Variants in JAG2 observed in about 807,000 individuals in gnomAD.
JAG2 encodes the protein protein jagged-2.
Under a neutral mutation model 141.7 loss-of-function variants are expected in JAG2, and 46 were observed. The ratio of observed to expected loss-of-function variants is 0.32; its 90% CI spans 0.26 to 0.42. JAG2 has a LOEUF of 0.42. Among genes scored for constraint, JAG2 ranks in the 10% least tolerant of loss-of-function variants. JAG2 has a pLI of 1.00. For missense variants in JAG2, 1,500 were observed against 1,817.5 expected (o/e 0.83, Z 3.18); for synonymous variants, 862 against 763.5 (o/e 1.13, Z -2.13).
At position 105,167,383 on chromosome 14, in the gene JAG2, G is replaced by T. The variant is rs868484200; in HGVS notation, c.417+374C>A. On this transcript the variant is annotated intron_variant, in intron 2 of 25. Transcript: ENST00000331782. This position sits in a 1 kb window ranked among gnomAD's most constrained non-coding sequence, Gnocchi z 4.8. ...GGCGGCTCAGTCAGGGCCTGCCCTA[G>T]ACCAGCCCCAGCACGCGCTGCGCAC... 3.8e-4 allele frequency among the ~76,000 whole-genome samples: 58 copies of T among 152,110 alleles called. No homozygotes were observed. Among genetic ancestry groups the T allele is most frequent in the Middle Eastern group, 3.4e-3 (1 of 290 alleles).
Position 105,141,399 on chromosome 14 carries a change from C to T in JAG2, c.*1296G>A, listed in dbSNP as rs587716896. 1 of 152,220 alleles carries T rather than the reference C, an allele frequency of 6.6e-6. No homozygotes were observed. The highest frequency in any genetic ancestry group is 6.5e-5 in the Admixed American group (1 of 15,284). The allele number at this position is 152,220 out of a possible 1,614,324, so 9.4% of individuals were successfully genotyped here. A position where few individuals can be genotyped will look rare whatever the true frequency, so the allele number is the denominator to read the frequency against. On this transcript the variant is annotated 3_prime_UTR_variant, in exon 26 of 26. Transcript: ENST00000331782. The stretch of plus-strand genomic sequence containing the variant: ...TTTTGACCTGTTAATTCCTTAAGAC[C>T]TTGATACGTATTCGTGGGTAAGCAA...
intron 13 of JAG2, 30 bp from the exon 14 acceptor site, chr14:105,149,119 G>T: frequency 1.3e-6 from 2 of 1,586,144 alleles, no homozygotes; most frequent in Non-Finnish European, 1.7e-6. Flanking sequence ...CAGGAGTCAG[G>T]CCCGCCCCTG....
In JAG2 at chr14:105,150,740, C is replaced by A; in HGVS notation, c.1466G>T (p.Gly489Val). The change falls in exon 12 of 26, where the codon GGC (glycine) becomes GTC (valine). Residue 489 changes from glycine to valine, a missense_variant. By Grantham distance (109) the Gly-to-Val change is moderately radical. This residue lies in a region of JAG2 where 875 missense variants were observed against 1,202.2 expected (regional missense o/e 0.73). Coordinates refer to ENST00000331782, the MANE Select transcript of JAG2 (RefSeq NM_002226.5). Reference protein sequence around the residue: ...VNGYQCVCPRGFGGRHCELER... With the variant: ...VNGYQCVCPRVFGGRHCELER... ...CAGCTCGCAATGCCGGCCTCCGAAG[C>A]CCCGTGGGCACACACACTGGTACCC... The A allele has an allele frequency of 6.3e-7, 1 of 1,582,994 alleles. No individual in the cohort carries two copies. The highest frequency in any genetic ancestry group is 2.3e-5 in the East Asian group (1 of 43,416).
At chr14:105,147,272 G>T in intron 20 of JAG2, 54 bp downstream of exon 20, 1 of 1,403,158 alleles carries the variant, frequency 7.1e-7, no homozygotes, top group Non-Finnish European at 9.9e-7. Context: ...CCAGACTCCT[G>T]ACACCGCGGC....
Position 105,155,796 on chromosome 14 carries a change from G to T in JAG2, c.669C>A (p.Cys223Ter). 6.2e-7 allele frequency: 1 copy of T among 1,612,952 alleles called. No homozygotes were observed. Among genetic ancestry groups the T allele is most frequent in the Non-Finnish European group, 8.5e-7 (1 of 1,179,934 alleles). ...TGCAGGCCTTGTTGCCGTACTGGTC[G>T]CAGGTGTAGTGGCCGAAAAAGTCGT... ...PRNDFFGHYT[C>*]DQYGNKACMD... The change falls in exon 4 of 26, where the codon TGC (cysteine) becomes TGA (stop). Residue 223 changes from cysteine to a stop codon, truncating the protein, a stop_gained. Transcript: ENST00000331782. LOFTEE classifies it high-confidence loss of function.
chr14:105,143,599 T>G lies in JAG2; in HGVS notation c.3124A>C (p.Ile1042Leu). The G allele has an allele frequency of 2.5e-6, 4 of 1,608,388 alleles. No homozygotes were observed. Among genetic ancestry groups the G allele is most frequent in the Non-Finnish European group, 3.4e-6 (4 of 1,179,550 alleles). ...PARDLPDSSL[I>L]QGAAHAIVAA... Reference sequence around the variant, plus strand: ...ACGATGGCGTGGGCCGCGCCCTGGATCAGGCTGCTGTCAGGCAGGTCCCTG... The same window carrying G: ...ACGATGGCGTGGGCCGCGCCCTGGAGCAGGCTGCTGTCAGGCAGGTCCCTG... Residue 1042 changes from isoleucine (I) to leucine (L), a missense_variant, in exon 25 of 26, where the codon ATC becomes CTC. By Grantham distance (5) the Ile-to-Leu change is conservative. Transcript: ENST00000331782.
At chr14:105,146,361 G>C (rs1373863994) in intron 22 of JAG2, 24 bp downstream of exon 22, 1 of 1,592,750 alleles carries the variant, frequency 6.3e-7, no homozygotes, top group South Asian at 1.1e-5. Flanking sequence ...GGGTAGGGCA[G>C]GGCGGCTCAC....
Position 105,168,103 on chromosome 14 carries a change from G to A in JAG2, c.71C>T (p.Ala24Val), listed in dbSNP as rs773382574. The part of the protein sequence containing the change: ...LLLLALWVQA[A>V]RPMGYFELQL... ...CAGCTCGAAATAGCCCATGGGCCGC[G>A]CCGCCTAAAAATAAGGCAGCGGGAG... The change falls in exon 2 of 26, where the codon GCG (alanine) becomes GTG (valine). Residue 24 changes from alanine to valine, a missense_variant. Physicochemically the swap from Ala to Val is moderately conservative, Grantham distance 64 (BLOSUM62 0). Coordinates refer to ENST00000331782, the MANE Select transcript of JAG2 (RefSeq NM_002226.5). 4.8e-5 allele frequency: 75 copies of A among 1,551,490 alleles called. No individual in the cohort carries two copies. Among genetic ancestry groups the A allele is most frequent in the Admixed American group, 9.1e-5 (5 of 54,916 alleles).
In JAG2 at chr14:105,142,720, T is replaced by C. The variant is rs146843591; in HGVS notation, c.3692A>G (p.Glu1231Gly). ...VDNRAVRSIN[E>G]ARYAGKE ...CTACTCCTTGCCGGCGTAGCGGGCC[T>C]CATTGATGCTCCTGACCGCGCGGTT... The change falls in exon 26 of 26, where the codon GAG becomes GGG. Residue 1231 changes from glutamate (E) to glycine (G), a missense_variant. By Grantham distance (98) the Glu-to-Gly change is moderately conservative (BLOSUM62 -2). This residue lies in a region of JAG2 where 425 missense variants were observed against 441.0 expected (regional missense o/e 0.96). Coordinates refer to ENST00000331782, the MANE Select transcript of JAG2 (RefSeq NM_002226.5). 1.2e-6 allele frequency: 2 copies of C among 1,606,392 alleles called. No homozygotes were observed. Among genetic ancestry groups the C allele is most frequent in the Non-Finnish European group, 1.7e-6 (2 of 1,177,166 alleles).
intron 2 of JAG2, among the ~76,000 whole-genome samples, chr14:105,165,265 C>G (rs1888874402): frequency 6.6e-6 from 1 of 152,224 alleles, no homozygotes. Flanking sequence ...CAGAGCAAAG[C>G]TCCCTGCTGC....
chr14:105,167,839 C>A lies in JAG2; in HGVS notation c.335G>T (p.Gly112Val). Residue 112 changes from glycine (G) to valine (V), a missense_variant, in exon 2 of 26, where the codon GGG becomes GTG. Physicochemically the swap from Gly to Val is moderately radical, Grantham distance 109 (BLOSUM62 -3). Transcript: ENST00000331782. The surrounding 1 kb of genome is among the most constrained non-coding windows in gnomAD (Gnocchi z 4.8). ...SFYLPPAGAA[G>V]DRARARARAG... ...CCGGGCCCGCGCCCGCGCTCGGTCC[C>A]CCGCAGCGCCCGCCGGCGGCAGGTA... 1 of 1,502,746 alleles carries A rather than the reference C, an allele frequency of 6.7e-7. No homozygotes were observed. The allele number at this position is 1,502,746 out of a possible 1,614,324, so 93.1% of individuals were successfully genotyped here.
rs10139201 is a variant in JAG2 at position 105,143,778 on chromosome 14, T to G, written c.3085-140A>C. On this transcript the variant is annotated intron_variant, in intron 24 of 25. Transcript: ENST00000331782. ...GAGCCCGGGGTCCTGCAGTGGCGAC[T>G]TCACCACCAGGCAGTGAGTGGGGAG... 29 of 914,870 alleles carry G rather than the reference T, an allele frequency of 3.2e-5. No individual in the cohort carries two copies. In the South Asian group the frequency reaches 3.9e-4, roughly 12 times the overall value. 56.7% of individuals were successfully genotyped at this position (914,870 alleles called of 1,614,324 possible).
chr14:105,145,534 G>T (rs1204274139), intron 23 of JAG2, among the ~76,000 whole-genome samples, 197 bp downstream of exon 23: 1 of 152,216 alleles, frequency 6.6e-6, no homozygotes, highest in Non-Finnish European at 1.5e-5. Context: ...TGCTCTCCCA[G>T]CCTCCTCTGC....
At position 105,167,626 on chromosome 14, in the gene JAG2, G is replaced by A; in HGVS notation, c.417+131C>T. 2 of 1,085,658 alleles carry A rather than the reference G, an allele frequency of 1.8e-6. No homozygotes were observed. Among genetic ancestry groups the A allele is most frequent in the Non-Finnish European group, 2.3e-6 (2 of 874,504 alleles). 67.3% of individuals were successfully genotyped at this position (1,085,658 alleles called of 1,614,324 possible). ...TCCCCAGAGCACGCGCCCCCTGCCG[G>A]CCCCGCCCCGCCTGGGCGCGCGCGG... is the stretch of plus-strand genomic sequence containing the variant. On this transcript the variant is annotated intron_variant, in intron 2 of 25. Transcript: ENST00000331782. The surrounding 1 kb of genome is among the most constrained non-coding windows in gnomAD (Gnocchi z 4.8).
rs1243186714 is a variant in JAG2 at position 105,145,024 on chromosome 14, G to A, written c.2990C>T (p.Ser997Phe). The stretch of plus-strand genomic sequence containing the variant: ...TGCCACAGCCCTTGTGGCTGGCAGG[G>A]AGCGGATCCCGGAGCAAATGGCGCC... Reference protein sequence around the residue: ...TVGAICSGIRSLPATRAVARD... With the variant: ...TVGAICSGIRFLPATRAVARD... The change falls in exon 24 of 26, where the codon TCC becomes TTC. Residue 997 changes from serine to phenylalanine, a missense_variant. By Grantham distance (155) the Ser-to-Phe change is radical. Around this residue, in one of 3 missense-constraint regions of JAG2, gnomAD observed 425 missense variants for 441.0 expected, o/e 0.96. Coordinates refer to ENST00000331782, the MANE Select transcript of JAG2 (RefSeq NM_002226.5). 1 of 1,610,128 alleles carries A rather than the reference G, an allele frequency of 6.2e-7. No individual in the cohort carries two copies. Among genetic ancestry groups the A allele is most frequent in the South Asian group, 1.1e-5 (1 of 91,052 alleles).
At chr14:105,162,199 C>T (rs978244988) in intron 2 of JAG2, among the ~76,000 whole-genome samples, 103 of 152,056 alleles carry the variant, frequency 6.8e-4, no homozygotes, top group Non-Finnish European at 1.1e-3. Context: ...GGGCTATGCC[C>T]CTGCCCAGTC....
intron 25 of JAG2, 147 bp from the exon 26 acceptor site, chr14:105,143,317 G>C (rs1055760552): frequency 5.4e-6 from 7 of 1,299,132 alleles, no homozygotes; most frequent in African/African-American, 1.5e-5. Flanking sequence ...GTCCCAGGAC[G>C]GGGGCTGGGA....
At position 105,168,362 on chromosome 14, in the gene JAG2, C is replaced by A. The variant is rs991511891; in HGVS notation, c.59G>T (p.Trp20Leu). The stretch of plus-strand genomic sequence containing the variant: ...CCCCGCCGCCCCGCTCACCTGCACC[C>A]AGAGCGCCAGCAGCAGCAGCAGCCG... ...PRRLLLLLAL[W>L]VQAARPMGYF... Residue 20 changes from tryptophan (W) to leucine (L), a missense_variant, in exon 1 of 26, where the codon TGG becomes TTG. By Grantham distance (61) the Trp-to-Leu change is moderately conservative. This residue lies in a region of JAG2 where 200 missense variants were observed against 174.3 expected (regional missense o/e 1.15). Coordinates refer to ENST00000331782, the MANE Select transcript of JAG2 (RefSeq NM_002226.5). 5 of 1,017,094 alleles carry A rather than the reference C, an allele frequency of 4.9e-6. No individual in the cohort carries two copies. The African/African-American group carries it at 8.8e-5, about 18-fold the overall frequency. 63.0% of individuals were successfully genotyped at this position (1,017,094 alleles called of 1,614,324 possible). A position where few individuals can be genotyped will look rare whatever the true frequency, so the allele number is the denominator to read the frequency against.
intron 17 of JAG2, 63 bp from the exon 18 acceptor site, chr14:105,147,951 A>G: frequency 7.5e-7 from 1 of 1,331,474 alleles, no homozygotes; most frequent in Middle Eastern, 2.5e-4. Flanking sequence ...GGGTCTCCAT[A>G]CCGCGCCCCC....
Sources: allele counts gnomAD v4.1 joint callset (sites outside exome capture counted in the v4.1 genomes callset), GRCh38; gene constraint gnomAD v4.1.1; regional missense constraint gnomAD v4.1.1; non-coding constraint Gnocchi (gnomAD v3.1); transcripts MANE v1.5; gene names NCBI Gene and HGNC (gene_info 2026-07-23, HGNC 2026-07-21).